The following KIAA1671 variants were observed in gnomAD, a reference collection of about 807,000 sequenced individuals.
KIAA1671 encodes the protein KIAA1671.
In KIAA1671, 52 loss-of-function variants were observed where a neutral mutation model predicts 131.2. That is an observed-to-expected ratio of 0.40 (90% CI 0.32 to 0.50). The LOEUF is 0.50. Among genes scored for constraint, KIAA1671 ranks in the 20% least tolerant of loss-of-function variants. The pLI, the probability that KIAA1671 is intolerant of heterozygous loss-of-function variation, is 0.73. For missense variants in KIAA1671, 2,360 were observed against 2,364.2 expected (o/e 1.00, Z 0.04); for synonymous variants, 1,003 against 961.6 (o/e 1.04, Z -0.80).
At chr22:25,097,726 C>T (rs545366668) in intron 6 of KIAA1671, among the ~76,000 whole-genome samples, 71 of 145,544 alleles carry the variant, frequency 4.9e-4, no homozygotes, top group African/African-American at 1.8e-3. Context: ...GGCAACAGTG[C>T]GAGACTCCAT....
At chr22:25,141,082 C>G (rs1028590586) in intron 6 of KIAA1671, among the ~76,000 whole-genome samples, 1 of 152,076 alleles carries the variant, frequency 6.6e-6, no homozygotes, top group Non-Finnish European at 1.5e-5. Context: ...ACTGGGAGAA[C>G]CAGACGTTAA....
At chr22:24,973,355 T>C (rs1278049647) in intron 1 of KIAA1671, among the ~76,000 whole-genome samples, 2 of 145,372 alleles carry the variant, frequency 1.4e-5, no homozygotes, top group South Asian at 2.2e-4. Context: ...CTGCTCTCGC[T>C]CCTCTCAGTA....
intron 1 of KIAA1671, among the ~76,000 whole-genome samples, chr22:24,964,026 T>C (rs1922161404): frequency 6.6e-6 from 1 of 151,682 alleles, no homozygotes; most frequent in Non-Finnish European, 1.5e-5. Flanking sequence ...AATAATGTTA[T>C]CTGTAGTAAA....
chr22:25,010,753 A>G (rs2123876106), intron 1 of KIAA1671: 1 of 152,324 alleles, frequency 6.6e-6, no homozygotes, highest in East Asian at 1.9e-4. Flanking sequence ...ATAGAAACCC[A>G]AACCAACAAT....
chr22:25,123,669 A>G (rs1007589109), intron 6 of KIAA1671, among the ~76,000 whole-genome samples: 3 of 152,218 alleles, frequency 2.0e-5, no homozygotes, highest in African/African-American at 7.2e-5. Flanking sequence ...AATCTGGCAC[A>G]CAGGTGAGCT....
chr22:25,094,185 A>C (rs1239391737), intron 6 of KIAA1671, among the ~76,000 whole-genome samples: 1 of 151,998 alleles, frequency 6.6e-6, no homozygotes, highest in Non-Finnish European at 1.5e-5. Flanking sequence ...TGCCTTCTTG[A>C]GACTTGGGAT....
chr22:25,126,365 G>C (rs1932187039), intron 6 of KIAA1671, among the ~76,000 whole-genome samples: 1 of 152,208 alleles, frequency 6.6e-6, no homozygotes, highest in Non-Finnish European at 1.5e-5. Context: ...CTTCTGCTTT[G>C]GGAAGGATGA....
intron 5 of KIAA1671, among the ~76,000 whole-genome samples, chr22:25,045,680 C>G (rs940201847): frequency 1.3e-5 from 2 of 152,126 alleles, no homozygotes; most frequent in African/African-American, 2.4e-5. Flanking sequence ...ACCCCCGCCT[C>G]CCGGGTTCAA....
Position 25,028,558 on chromosome 22 carries a change from C to G in KIAA1671, c.559C>G (p.Gln187Glu). Residue 187 changes from glutamine to glutamate, a missense_variant, in exon 3 of 13, where the codon CAG (glutamine) becomes GAG (glutamate). Transcript: ENST00000358431. ...GGCTGCCAAGCCCGCCCTGCCCACC[C>G]AGAAGCCTGCGGGGACCCTTCCCCG... ...EVAAKPALPT[Q>E]KPAGTLPRSA... is the part of the protein sequence containing the mutation. 6.5e-7 allele frequency: 1 copy of G among 1,546,588 alleles called. No individual in the cohort carries two copies. The highest frequency in any genetic ancestry group is 8.7e-7 in the Non-Finnish European group (1 of 1,143,184).
rs565070265 is a variant in KIAA1671 at position 24,988,083 on chromosome 22, T to G, written c.-208+35311T>G. Among the ~76,000 whole-genome samples, 327 of 152,040 alleles carry G rather than the reference T, an allele frequency of 2.2e-3. 1 individual carries two copies. Among genetic ancestry groups the G allele is most frequent in the African/African-American group, 7.7e-3 (321 of 41,488 alleles). On this transcript the variant is annotated intron_variant, in intron 1 of 12. Transcript: ENST00000358431. The stretch of plus-strand genomic sequence containing the variant: ...CTGAGGTCAAGAGTTCGAGACCAGC[T>G]TGGCTAACATGGTGAAACCCCGTTT...
At chr22:25,139,396 T>C (rs993439129) in intron 6 of KIAA1671, among the ~76,000 whole-genome samples, 2 of 152,102 alleles carry the variant, frequency 1.3e-5, no homozygotes, top group African/African-American at 4.8e-5. Flanking sequence ...AAAGGTGGGG[T>C]CCAGCAGACT....
intron 1 of KIAA1671, among the ~76,000 whole-genome samples, chr22:24,998,545 C>T (rs1924260141): frequency 1.3e-5 from 2 of 151,622 alleles, no homozygotes; most frequent in Admixed American, 6.6e-5. Context: ...CAGTGAAACC[C>T]GTCTCTACTA....
chr22:25,190,849 G>T (rs542820547), intron 12 of KIAA1671, 65 bp downstream of exon 12: 33 of 1,135,788 alleles, frequency 2.9e-5, no homozygotes, highest in African/African-American at 1.5e-5. Flanking sequence ...GGGAACTCAG[G>T]GGGGCCACGC....
rs371337500 is a variant in KIAA1671, at chr22:25,006,176, C to T, written c.-207-19457C>T. ...CCTCCCGAGTAGCTGGGACTACATGCGCCCGCCACCATGCCTGGCTAGTTT... is the reference window on the plus strand; with the variant it reads ...CCTCCCGAGTAGCTGGGACTACATGTGCCCGCCACCATGCCTGGCTAGTTT... On this transcript the variant is annotated intron_variant, in intron 1 of 12. Transcript: ENST00000358431. Among the ~76,000 whole-genome samples, 7 of 152,100 alleles carry T rather than the reference C, an allele frequency of 4.6e-5. No individual in the cohort carries two copies. In the South Asian group the frequency reaches 1.5e-3, roughly 32 times the overall value.
In KIAA1671 at chr22:25,038,868, C is replaced by A. The variant is rs1345978715; in HGVS notation, c.1738C>A (p.Gln580Lys). Residue 580 changes from glutamine to lysine, a missense_variant, in exon 5 of 13, where the codon CAA (glutamine) becomes AAA (lysine). Physicochemically the swap from Gln to Lys is moderately conservative, Grantham distance 53 (BLOSUM62 1). This residue lies in a region of KIAA1671 where 1,185 missense variants were observed against 1,126.2 expected (regional missense o/e 1.05). Transcript: ENST00000358431. Reference sequence around the variant, plus strand: ...GACGGAGCAGAAGGTTAGCTCTAACCAAGACCCCGACAGCTGTCGCGGTGG... The same window carrying A: ...GACGGAGCAGAAGGTTAGCTCTAACAAAGACCCCGACAGCTGTCGCGGTGG... ...RQTEQKVSSN[Q>K]DPDSCRGGSS... 2.6e-6 allele frequency: 4 copies of A among 1,551,756 alleles called. No homozygotes were observed. Among genetic ancestry groups the A allele is most frequent in the Non-Finnish European group, 3.5e-6 (4 of 1,147,014 alleles).
At position 25,195,138 on chromosome 22, in the gene KIAA1671, A is replaced by C. The variant is rs1038538019; in HGVS notation, c.*2737A>C. 5 of 152,086 alleles carry C rather than the reference A, an allele frequency of 3.3e-5. No homozygotes were observed. Among genetic ancestry groups the C allele is most frequent in the Admixed American group, 2.0e-4 (3 of 15,270 alleles). 9.4% of individuals were successfully genotyped at this position (152,086 alleles called of 1,614,324 possible). ...TGTCCTCAATGAGAGTTTCATGCAGAATGGAAAATCCTCTATATGTACAAT... is the reference window on the plus strand; with the variant it reads ...TGTCCTCAATGAGAGTTTCATGCAGCATGGAAAATCCTCTATATGTACAAT... On this transcript the variant is annotated 3_prime_UTR_variant, in exon 13 of 13. Coordinates refer to ENST00000358431, the MANE Select transcript of KIAA1671 (RefSeq NM_001145206.2).
At chr22:25,045,439 AG>A (rs1252581596) in intron 5 of KIAA1671, among the ~76,000 whole-genome samples, 1 of 152,228 alleles carries the variant, frequency 6.6e-6, no homozygotes, top group African/African-American at 2.4e-5. Flanking sequence ...CCCACTGCAA[AG>A]AATGCTCCAG....
chr22:25,082,009 T>TATGG, intron 6 of KIAA1671, among the ~76,000 whole-genome samples: 1 of 152,210 alleles, frequency 6.6e-6, no homozygotes, highest in African/African-American at 2.4e-5. Context: ...TACAGTGAGC[T>TATGG]ATGGAAGGCT....
intron 1 of KIAA1671, among the ~76,000 whole-genome samples, chr22:24,985,985 G>A (rs1923508003): frequency 6.6e-6 from 1 of 152,198 alleles, no homozygotes; most frequent in Admixed American, 6.5e-5. Flanking sequence ...TGGGACTTGT[G>A]TGCGTGTGTG....
Sources: allele counts gnomAD v4.1 joint callset (sites outside exome capture counted in the v4.1 genomes callset), GRCh38; gene constraint gnomAD v4.1.1; regional missense constraint gnomAD v4.1.1; transcripts MANE v1.5; gene names NCBI Gene and HGNC (gene_info 2026-07-23, HGNC 2026-07-21).